The following SAMMSON variants were observed in gnomAD, a reference collection of about 807,000 sequenced individuals.
The protein encoded by SAMMSON is survival associated mitochondrial melanoma specific oncogenic non-coding RNA.
intron 7 of SAMMSON, among the ~76,000 whole-genome samples, chr3:70,342,625 T>A (rs1010444924): frequency 6.6e-6 from 1 of 152,208 alleles, no homozygotes; most frequent in African/African-American, 2.4e-5. Flanking sequence ...AAGTGTCTTT[T>A]AGGAATTCTG....
chr3:70,174,239 C>T (rs549069415), intron 4 of SAMMSON, among the ~76,000 whole-genome samples: 9 of 151,864 alleles, frequency 5.9e-5, no homozygotes, highest in South Asian at 2.1e-4. Context: ...GTATGAAGCA[C>T]GGTGAGAACA....
At chr3:70,150,756 G>A (rs72937582) in intron 4 of SAMMSON, among the ~76,000 whole-genome samples, 2,303 of 152,112 alleles carry the variant, frequency 0.015, 55 homozygotes, top group African/African-American at 0.053. Context: ...TGATGAGGAT[G>A]CCTCATTTTG....
intron 2 of SAMMSON, among the ~76,000 whole-genome samples, chr3:70,396,272 TTAAC>T (rs1172933322): frequency 2.6e-5 from 4 of 152,210 alleles, no homozygotes; most frequent in Non-Finnish European, 5.9e-5. Context: ...TGAAATACTA[TTAAC>T]ATACACAATA....
intron 4 of SAMMSON, among the ~76,000 whole-genome samples, chr3:70,109,299 G>T (rs1559792774): frequency 6.6e-6 from 1 of 152,084 alleles, no homozygotes; most frequent in Non-Finnish European, 1.5e-5. Flanking sequence ...CTCCTAGACT[G>T]GACTCCTACC....
intron 4 of SAMMSON, among the ~76,000 whole-genome samples, chr3:70,099,190 A>G (rs1257251572): frequency 1.3e-5 from 2 of 152,174 alleles, no homozygotes; most frequent in African/African-American, 2.4e-5. Flanking sequence ...GCACATGTAT[A>G]TTTACACACA....
chr3:70,388,060 G>A (rs910741504), intron 9 of SAMMSON, among the ~76,000 whole-genome samples: 12 of 151,988 alleles, frequency 7.9e-5, no homozygotes, highest in African/African-American at 2.4e-4. Flanking sequence ...TTTTTGACAC[G>A]TTGGTCAACA....
At chr3:70,337,023 T>TA (rs1186099981) in intron 7 of SAMMSON, among the ~76,000 whole-genome samples, 6 of 138,512 alleles carry the variant, frequency 4.3e-5, no homozygotes, top group African/African-American at 1.5e-4. Context: ...ATATTATTAT[T>TA]ATTAATAATA....
chr3:70,112,794 T>C (rs2067394977), intron 4 of SAMMSON, among the ~76,000 whole-genome samples: 1 of 152,212 alleles, frequency 6.6e-6, no homozygotes, highest in South Asian at 2.1e-4. Flanking sequence ...TTACATACTC[T>C]TTCAAAAGAT....
intron 4 of SAMMSON, among the ~76,000 whole-genome samples, chr3:70,185,545 G>T (rs1701085407): frequency 6.6e-6 from 1 of 152,142 alleles, no homozygotes; most frequent in African/African-American, 2.4e-5. Flanking sequence ...ACAACAGAGA[G>T]CATGAATAAC....
chr3:70,019,156 T>C (rs529730152), intron 3 of SAMMSON, among the ~76,000 whole-genome samples: 1 of 152,206 alleles, frequency 6.6e-6, no homozygotes, highest in East Asian at 1.9e-4. Context: ...TCTGTCTCGT[T>C]GATGTGTCTA....
At chr3:70,218,481 T>C (rs958643039) in intron 4 of SAMMSON, among the ~76,000 whole-genome samples, 3 of 152,130 alleles carry the variant, frequency 2.0e-5, no homozygotes, top group Admixed American at 6.5e-5. Flanking sequence ...CCTCTTTTAC[T>C]AAAAAAATTC....
In SAMMSON at chr3:70,294,528, A is replaced by G. The variant is rs1476768731; in HGVS notation, n.739+3285A>G. Among the ~76,000 whole-genome samples the G allele has an allele frequency of 6.6e-5, 10 of 152,174 alleles. No individual in the cohort carries two copies. In the East Asian group the frequency reaches 1.5e-3, roughly 23 times the overall value. On this transcript the variant is annotated intron_variant and non_coding_transcript_variant, in intron 7 of 9. Coordinates refer to ENST00000642114, the Ensembl canonical transcript of SAMMSON. ...TGACTATGAGGAAAAAAGTAAAATA[A>G]TAATAGTAGTCATTATTGGGTGTGA... is the stretch of plus-strand genomic sequence containing the variant.
intron 9 of SAMMSON, among the ~76,000 whole-genome samples, chr3:70,386,744 G>T (rs1429057997): frequency 6.6e-6 from 1 of 152,024 alleles, no homozygotes. Context: ...AGTTTTATTT[G>T]CTAGACCTTT....
At chr3:70,223,520 C>T (rs777930040) in intron 4 of SAMMSON, among the ~76,000 whole-genome samples, 1 of 152,100 alleles carries the variant, frequency 6.6e-6, no homozygotes, top group Non-Finnish European at 1.5e-5. Flanking sequence ...AGGAAACTAG[C>T]GCAGTGCCTC....
intron 4 of SAMMSON, among the ~76,000 whole-genome samples, chr3:70,079,529 T>C (rs551664935): frequency 8.5e-5 from 13 of 152,258 alleles, no homozygotes; most frequent in Non-Finnish European, 1.6e-4. Context: ...AACTGTTCTG[T>C]TTTTTCCTTG....
intron 4 of SAMMSON, chr3:70,125,027 TG>T: frequency 1.4e-6 from 1 of 718,898 alleles, no homozygotes; most frequent in Non-Finnish European, 2.5e-6. Context: ...GGAAAGCCCT[TG>T]AAAGATACAG....
At chr3:70,316,999 T>TA (rs2106714452) in intron 7 of SAMMSON, among the ~76,000 whole-genome samples, 1 of 152,212 alleles carries the variant, frequency 6.6e-6, no homozygotes, top group African/African-American at 2.4e-5. Context: ...GGTGGTGTGT[T>TA]ACGGATATTC....
intron 2 of SAMMSON, among the ~76,000 whole-genome samples, chr3:70,398,838 A>G (rs1701113876): frequency 6.6e-6 from 1 of 152,216 alleles, no homozygotes; most frequent in South Asian, 2.1e-4. Flanking sequence ...TGGCTTTTGG[A>G]GCCAAAATTC....
chr3:70,419,234 T>C (rs912605304), intron 2 of SAMMSON, among the ~76,000 whole-genome samples: 37 of 151,840 alleles, frequency 2.4e-4, no homozygotes, highest in Admixed American at 7.2e-4. Flanking sequence ...GGTTTTGCCA[T>C]GTGGCCCAGG....
Sources: gnomAD v4.1 joint callset for allele counts (sites outside exome capture counted in the v4.1 genomes callset) on GRCh38, gnomAD v4.1.1 for gene constraint, MANE v1.5 for transcripts, NCBI Gene and HGNC (gene_info 2026-07-23, HGNC 2026-07-21) for gene names.